The following GRIN2B variants were observed in gnomAD, a reference collection of about 807,000 sequenced individuals.
GRIN2B encodes the protein glutamate receptor ionotropic, NMDA 2B.
Under a neutral mutation model 114.5 loss-of-function variants are expected in GRIN2B, and 5 were observed. The observed-to-expected ratio is 0.04, with a 90% CI of 0.02 to 0.09. The LOEUF is 0.09. GRIN2B is among the 10% of genes least tolerant of loss of function. The probability of loss-of-function intolerance (pLI) is 1.00; values close to 1 mark genes in which losing one functional copy is unlikely to be tolerated. For missense variants in GRIN2B, 1,108 were observed against 1,943.5 expected (o/e 0.57, Z 8.08); for synonymous variants, 787 against 745.1 (o/e 1.06, Z -0.92).
intron 3 of GRIN2B, among the ~76,000 whole-genome samples, chr12:13,778,394 G>T (rs1419809426): frequency 6.6e-6 from 1 of 152,148 alleles, no homozygotes; most frequent in Non-Finnish European, 1.5e-5. Context: ...TATAAAATTA[G>T]AGAAGTTACA....
intron 3 of GRIN2B, among the ~76,000 whole-genome samples, chr12:13,768,121 A>C (rs1457182933): frequency 1.3e-5 from 2 of 152,268 alleles, no homozygotes; most frequent in Admixed American, 6.5e-5. Context: ...AGTCAGAATT[A>C]GTTAAGCTTC....
At chr12:13,964,615 C>T (rs1257793600) in intron 2 of GRIN2B, among the ~76,000 whole-genome samples, 1 of 152,160 alleles carries the variant, frequency 6.6e-6, no homozygotes, top group Non-Finnish European at 1.5e-5. Flanking sequence ...GATGCTAAGT[C>T]CCCTAATAAA....
chr12:13,759,767 A>C (rs1322926578), intron 3 of GRIN2B, among the ~76,000 whole-genome samples: 2 of 152,174 alleles, frequency 1.3e-5, no homozygotes, highest in Non-Finnish European at 2.9e-5. Flanking sequence ...TTGTAAACTT[A>C]AGATGTTATT....
In GRIN2B at chr12:13,753,034, AAAACCTGACTT is replaced by A. The variant is rs1863511606; in HGVS notation, c.1010+272_1010+282del. 6.6e-6 allele frequency among the ~76,000 whole-genome samples: 1 copy of A among 152,268 alleles called. No homozygotes were observed. Among genetic ancestry groups the A allele is most frequent in the South Asian group, 2.1e-4 (1 of 4,836 alleles). The stretch of plus-strand genomic sequence containing the variant: ...GTATTGTAAAATAGAAACAATTGTT[AAAACCTGACTT>A]ATAGAGTTATTTTGAGGATCAAATG... On this transcript the variant is annotated intron_variant, in intron 4 of 13. Coordinates refer to ENST00000609686, the MANE Select transcript of GRIN2B (RefSeq NM_000834.5). The surrounding 1 kb of genome is among the most constrained non-coding windows in gnomAD (Gnocchi z 6.2).
At chr12:13,839,598 T>C (rs1865344344) in intron 3 of GRIN2B, among the ~76,000 whole-genome samples, 1 of 152,154 alleles carries the variant, frequency 6.6e-6, no homozygotes. Context: ...CAGCTTTGGC[T>C]CAGAGAGGTT....
chr12:13,972,195 A>G (rs1862934965), intron 2 of GRIN2B, among the ~76,000 whole-genome samples: 1 of 152,168 alleles, frequency 6.6e-6, no homozygotes, highest in South Asian at 2.1e-4. Flanking sequence ...GGGTCTGAGC[A>G]TGGGCATCAT....
intron 2 of GRIN2B, among the ~76,000 whole-genome samples, chr12:13,881,008 G>C (rs527504194): frequency 6.7e-6 from 1 of 148,966 alleles, no homozygotes; most frequent in South Asian, 2.1e-4. Context: ...GTGTGTGTGT[G>C]TGTGTGCGCG....
rs947964428 is a variant in GRIN2B at position 13,556,573 on chromosome 12, G to C, written c.*6210C>G. 1.3e-5 allele frequency: 2 copies of C among 152,110 alleles called. No individual in the cohort carries two copies. The highest frequency in any genetic ancestry group is 6.6e-5 in the Admixed American group (1 of 15,258). 9.4% of individuals were successfully genotyped at this position (152,110 alleles called of 1,614,324 possible). A position where few individuals can be genotyped will look rare whatever the true frequency, so the allele number is the denominator to read the frequency against. ...CATTAAAATAATTACCGATAAAAGA[G>C]TTCAGGTTTAAAGTGTGGAAACCTA... On this transcript the variant is annotated 3_prime_UTR_variant, in exon 14 of 14. Coordinates refer to ENST00000609686, the MANE Select transcript of GRIN2B (RefSeq NM_000834.5).
chr12:13,548,437 A>G lies in GRIN2B; in HGVS notation c.*14346T>C, dbSNP rs1471893518. On this transcript the variant is annotated 3_prime_UTR_variant, in exon 14 of 14. Coordinates refer to ENST00000609686, the MANE Select transcript of GRIN2B (RefSeq NM_000834.5). ...TGTGGTTTCAATCAAATAATTCTCCATTCATGCCCTCAGAGTCCCCAAGAA... is the reference window on the plus strand; with the variant it reads ...TGTGGTTTCAATCAAATAATTCTCCGTTCATGCCCTCAGAGTCCCCAAGAA... 6.6e-6 allele frequency: 1 copy of G among 150,978 alleles called. No homozygotes were observed. Among genetic ancestry groups the G allele is most frequent in the Admixed American group, 6.7e-5 (1 of 15,016 alleles). The allele number at this position is 150,978 out of a possible 1,614,324, so 9.4% of individuals were successfully genotyped here. A position where few individuals can be genotyped will look rare whatever the true frequency, so the allele number is the denominator to read the frequency against.
intron 3 of GRIN2B, among the ~76,000 whole-genome samples, chr12:13,813,231 G>A (rs567151292): frequency 4.3e-4 from 66 of 152,036 alleles, no homozygotes; most frequent in South Asian, 2.3e-3. Flanking sequence ...CACCGTGCCC[G>A]GCCTGGGAAA....
intron 2 of GRIN2B, among the ~76,000 whole-genome samples, chr12:13,885,003 G>A (rs1591602268): frequency 6.6e-6 from 1 of 152,044 alleles, no homozygotes; most frequent in South Asian, 2.1e-4. Context: ...ATCACAGAAA[G>A]TAAGAAACCT....
chr12:13,922,897 T>C (rs1248419482), intron 2 of GRIN2B, among the ~76,000 whole-genome samples: 1 of 152,172 alleles, frequency 6.6e-6, no homozygotes, highest in African/African-American at 2.4e-5. Flanking sequence ...GATGCTCTCT[T>C]CCTGGAATTC....
chr12:13,777,723 C>T (rs962131733), intron 3 of GRIN2B, among the ~76,000 whole-genome samples: 5 of 152,162 alleles, frequency 3.3e-5, no homozygotes, highest in African/African-American at 1.2e-4. Flanking sequence ...CTAAAGAACA[C>T]TGATATTCAG....
At chr12:13,605,068 ACT>A (rs1949219440) in intron 10 of GRIN2B, among the ~76,000 whole-genome samples, 1 of 141,194 alleles carries the variant, frequency 7.1e-6, no homozygotes, top group Non-Finnish European at 1.5e-5. Context: ...CTCCCCACAG[ACT>A]CTTTTTTTTT....
chr12:13,977,293 A>T (rs1350598897), intron 2 of GRIN2B: 2 of 152,132 alleles, frequency 1.3e-5, no homozygotes, highest in East Asian at 3.9e-4. Context: ...CCAACGGGAG[A>T]GGAAAAATTA....
At chr12:13,630,503 C>T (rs147342569) in intron 5 of GRIN2B, among the ~76,000 whole-genome samples, 61 of 152,208 alleles carry the variant, frequency 4.0e-4, no homozygotes, top group African/African-American at 5.5e-4. Context: ...CTTGGATGAG[C>T]GATAGTCAGT....
intron 3 of GRIN2B, among the ~76,000 whole-genome samples, chr12:13,819,645 C>A (rs1185372209): frequency 6.6e-6 from 1 of 152,160 alleles, no homozygotes; most frequent in African/African-American, 2.4e-5. Context: ...ATTTCTCCCA[C>A]AAAACACAAA....
At chr12:13,739,489 C>T (rs1261559920) in intron 4 of GRIN2B, among the ~76,000 whole-genome samples, 4 of 151,590 alleles carry the variant, frequency 2.6e-5, no homozygotes, top group African/African-American at 9.7e-5. Flanking sequence ...ACTGCCTCTA[C>T]CACATAGCTT....
chr12:13,706,784 A>T (rs1442660599), intron 4 of GRIN2B, among the ~76,000 whole-genome samples: 3 of 152,092 alleles, frequency 2.0e-5, no homozygotes, highest in African/African-American at 7.2e-5. Flanking sequence ...CAAAACACTC[A>T]CAAAGTAAAT....
Sources: gnomAD v4.1 joint callset for allele counts (sites outside exome capture counted in the v4.1 genomes callset) on GRCh38, gnomAD v4.1.1 for gene constraint, Gnocchi (gnomAD v3.1) non-coding constraint, MANE v1.5 for transcripts, NCBI Gene and HGNC (gene_info 2026-07-23, HGNC 2026-07-21) for gene names.